Variants in RBFOX1 observed in about 807,000 individuals in gnomAD.
RBFOX1 encodes the protein RNA binding fox-1 homolog 1.
A neutral mutation model predicts 57.7 loss-of-function variants in RBFOX1; 8 were observed. The observed-to-expected ratio is 0.14, with a 90% confidence interval of 0.08 to 0.25. RBFOX1 has a LOEUF of 0.25. Ranked by LOEUF, RBFOX1 falls within the 10% of genes least tolerant of loss-of-function variation. The pLI is 1.00. For synonymous variants in RBFOX1, 326 were observed against 222.4 expected (o/e 1.47, Z -4.15); for missense variants, 611 against 548.5 (o/e 1.11, Z -1.14).
intron 4 of RBFOX1, among the ~76,000 whole-genome samples, chr16:7,460,854 G>C (rs1189032756): frequency 1.3e-5 from 2 of 152,136 alleles, no homozygotes. Flanking sequence ...GATTTGATAT[G>C]TCTTGGGCAG....
At chr16:5,540,752 T>C (rs1227043080) in intron 2 of RBFOX1, among the ~76,000 whole-genome samples, 1 of 152,236 alleles carries the variant, frequency 6.6e-6, no homozygotes, top group East Asian at 1.9e-4. Context: ...GTATGGTCTG[T>C]GGACTAGCAG....
intron 4 of RBFOX1, among the ~76,000 whole-genome samples, chr16:7,465,406 G>C (rs2060331994): frequency 1.3e-5 from 2 of 152,220 alleles, no homozygotes; most frequent in Non-Finnish European, 1.5e-5. Context: ...CAGTGCCTCA[G>C]CTGTACATGT....
At chr16:7,293,076 G>T (rs1010530780) in intron 4 of RBFOX1, among the ~76,000 whole-genome samples, 5 of 152,130 alleles carry the variant, frequency 3.3e-5, no homozygotes, top group Admixed American at 2.0e-4. Flanking sequence ...ATAGCCAAAT[G>T]TCATTTTCAA....
At chr16:7,594,368 A>G (rs969169667) in intron 7 of RBFOX1, among the ~76,000 whole-genome samples, 1 of 152,236 alleles carries the variant, frequency 6.6e-6, no homozygotes, top group Non-Finnish European at 1.5e-5. Context: ...GAGCCCCAAC[A>G]TATTGCATGA....
chr16:7,178,723 G>A (rs2082134229), intron 4 of RBFOX1, among the ~76,000 whole-genome samples: 1 of 152,176 alleles, frequency 6.6e-6, no homozygotes, highest in Non-Finnish European at 1.5e-5. Flanking sequence ...TTAATCACAT[G>A]CCGGACCTCA....
chr16:6,703,231 ATTAC>A (rs2062132083), intron 3 of RBFOX1, among the ~76,000 whole-genome samples: 1 of 152,120 alleles, frequency 6.6e-6, no homozygotes, highest in African/African-American at 2.4e-5. Flanking sequence ...GCTTCTATTA[ATTAC>A]TTATTATTAT....
intron 4 of RBFOX1, among the ~76,000 whole-genome samples, chr16:7,111,422 G>T (rs978442058): frequency 6.6e-6 from 1 of 152,036 alleles, no homozygotes; most frequent in Admixed American, 6.6e-5. Context: ...AATTTACTTA[G>T]CTCTTTTAAT....
At chr16:5,275,286 ATTTC>A (rs2063114241) in intron 1 of RBFOX1, among the ~76,000 whole-genome samples, 2 of 152,198 alleles carry the variant, frequency 1.3e-5, no homozygotes, top group African/African-American at 4.8e-5. Context: ...AACATTGATC[ATTTC>A]TTTGTGTTGG....
At chr16:6,924,045 C>A (rs1353933525) in intron 3 of RBFOX1, among the ~76,000 whole-genome samples, 1 of 151,774 alleles carries the variant, frequency 6.6e-6, no homozygotes, top group African/African-American at 2.4e-5. Flanking sequence ...TGGTACGTAC[C>A]TGTAGTCCCA....
chr16:7,392,854 G>GGTTTGTTTGTTT (rs71391628), intron 4 of RBFOX1, among the ~76,000 whole-genome samples: 21 of 123,080 alleles, frequency 1.7e-4, no homozygotes, highest in Admixed American at 1.1e-3. Context: ...GGTTTGGTTT[G>GGTTTGTTTGTTT]GTTTGTTTGT....
At chr16:6,925,737 A>G (rs1444992784) in intron 3 of RBFOX1, among the ~76,000 whole-genome samples, 1 of 152,084 alleles carries the variant, frequency 6.6e-6, no homozygotes, top group Non-Finnish European at 1.5e-5. Context: ...TTAAACACCC[A>G]AACACAGACA....
At chr16:6,825,811 G>T (rs1435611041) in intron 3 of RBFOX1, among the ~76,000 whole-genome samples, 1 of 152,162 alleles carries the variant, frequency 6.6e-6, no homozygotes, top group Admixed American at 6.5e-5. Context: ...CAGAGGCAGC[G>T]ATCCTGCACA....
At chr16:6,890,873 A>G (rs1230508649) in intron 3 of RBFOX1, among the ~76,000 whole-genome samples, 1 of 152,192 alleles carries the variant, frequency 6.6e-6, no homozygotes. Context: ...CTCTAAATAA[A>G]AGGGATGAAG....
intron 3 of RBFOX1, among the ~76,000 whole-genome samples, chr16:7,021,506 ATAT>A (rs953151813): frequency 6.9e-5 from 10 of 145,446 alleles, no homozygotes; most frequent in East Asian, 3.9e-4. Flanking sequence ...TTTTATATAA[ATAT>A]TATATTTTAT....
At chr16:7,239,424 G>C (rs1397041213) in intron 4 of RBFOX1, among the ~76,000 whole-genome samples, 1 of 152,140 alleles carries the variant, frequency 6.6e-6, no homozygotes, top group African/African-American at 2.4e-5. Context: ...GCTTAAACCT[G>C]GGAGCTGGAG....
chr16:7,196,963 C>G (rs934859725), intron 4 of RBFOX1, among the ~76,000 whole-genome samples: 3 of 152,240 alleles, frequency 2.0e-5, no homozygotes, highest in African/African-American at 4.8e-5. Context: ...ATCCAGTGGT[C>G]TAATCTTTGC....
In RBFOX1 at chr16:7,711,629, A is replaced by G. The variant is rs1046600409; in HGVS notation, c.*884A>G. 2.0e-5 allele frequency: 3 copies of G among 152,608 alleles called. No individual in the cohort carries two copies. Among genetic ancestry groups the G allele is most frequent in the African/African-American group, 7.2e-5 (3 of 41,452 alleles). 9.5% of individuals were successfully genotyped at this position (152,608 alleles called of 1,614,324 possible). The stretch of plus-strand genomic sequence containing the variant: ...TCTTTTTTTCCAAAAAAAGAAAGTA[A>G]TAAAAACTTAAATTCTTTGTACCAG... On this transcript the variant is annotated 3_prime_UTR_variant, in exon 16 of 16. Transcript: ENST00000550418.
intron 4 of RBFOX1, among the ~76,000 whole-genome samples, chr16:5,896,911 T>C (rs2058178911): frequency 6.6e-6 from 1 of 151,852 alleles, no homozygotes; most frequent in African/African-American, 2.4e-5. Flanking sequence ...GCTGCCAAAA[T>C]CTCTCACCTT....
chr16:7,202,674 C>G (rs1163322263), intron 4 of RBFOX1, among the ~76,000 whole-genome samples: 1 of 152,184 alleles, frequency 6.6e-6, no homozygotes, highest in Non-Finnish European at 1.5e-5. Context: ...GCATTAGGTT[C>G]TCACAGCAGC....
Sources: allele counts gnomAD v4.1 joint callset (sites outside exome capture counted in the v4.1 genomes callset), GRCh38; gene constraint gnomAD v4.1.1; transcripts MANE v1.5; gene names NCBI Gene and HGNC (gene_info 2026-07-23, HGNC 2026-07-21).